NAV2: variants seen among roughly 807,000 people sequenced by gnomAD.
The protein encoded by NAV2 is helicase, APC down-regulated 1.
NAV2 carries 54 observed loss-of-function variants against 223.2 expected under a neutral mutation model. The ratio of observed to expected loss-of-function variants is 0.24; its 90% CI spans 0.19 to 0.30. The LOEUF (loss-of-function observed/expected upper bound fraction) is 0.30, where lower values mean the gene tolerates loss of function less well. NAV2 is among the 10% of genes least tolerant of loss of function. NAV2 has a pLI of 1.00. For missense variants in NAV2, 2,806 were observed against 3,147.5 expected (o/e 0.89, Z 2.60); for synonymous variants, 1,279 against 1,239.3 (o/e 1.03, Z -0.67).
intron 1 of NAV2, 105 bp from the exon 2 acceptor site, chr11:19,832,379 C>T: frequency 2.5e-6 from 2 of 795,740 alleles, no homozygotes; most frequent in Non-Finnish European, 4.3e-6. Flanking sequence ...GCCCTGAAAG[C>T]TCACCAATGG....
At position 20,057,798 on chromosome 11, in the gene NAV2, G is replaced by T. The variant is rs188686449; in HGVS notation, c.4831+1841G>T. On this transcript the variant is annotated intron_variant, in intron 19 of 37. Transcript: ENST00000349880. ...ACCATTACAGTATCGTCATCAGATA[G>T]CTTTTATTTATTCCATCTGGAATCA... Among the ~76,000 whole-genome samples the T allele has an allele frequency of 1.1e-4, 16 of 152,312 alleles. No homozygotes were observed. In the East Asian group the frequency reaches 2.9e-3, roughly 28 times the overall value.
At chr11:19,753,446 G>T (rs16937173) in intron 1 of NAV2, among the ~76,000 whole-genome samples, 4,888 of 152,168 alleles carry the variant, frequency 0.032, 243 homozygotes, top group African/African-American at 0.1. Flanking sequence ...CATATTTGTG[G>T]TAGTAAGTCA....
At chr11:20,022,917 G>A in intron 11 of NAV2, 1 of 1,362,362 alleles carries the variant, frequency 7.3e-7, no homozygotes, top group Non-Finnish European at 9.7e-7. Context: ...ATTTTGTTGG[G>A]GGATCGGATT....
intron 1 of NAV2, among the ~76,000 whole-genome samples, chr11:19,371,767 G>GTT (rs9299953): frequency 7.2e-5 from 7 of 96,964 alleles, no homozygotes; most frequent in African/African-American, 1.9e-4. Flanking sequence ...TCTGTATCAG[G>GTT]TTTTTTTTTT....
At chr11:19,655,703 G>A (rs941906121) in intron 1 of NAV2, among the ~76,000 whole-genome samples, 53 of 141,510 alleles carry the variant, frequency 3.7e-4, no homozygotes, top group African/African-American at 1.3e-3. Flanking sequence ...GAGAACACAT[G>A]GATACAGGAA....
chr11:19,495,118 G>A (rs2042752715), intron 1 of NAV2, among the ~76,000 whole-genome samples: 2 of 152,200 alleles, frequency 1.3e-5, no homozygotes, highest in Admixed American at 6.5e-5. Flanking sequence ...ACACTTATCA[G>A]CCCCTTAGGT....
intron 1 of NAV2, among the ~76,000 whole-genome samples, chr11:19,549,632 C>A (rs2044624646): frequency 6.6e-6 from 1 of 152,256 alleles, no homozygotes; most frequent in African/African-American, 2.4e-5. Flanking sequence ...AGGACCCCAG[C>A]TCAGAAGGCT....
At chr11:19,927,841 C>CT (rs1232211153) in intron 6 of NAV2, among the ~76,000 whole-genome samples, 2 of 152,130 alleles carry the variant, frequency 1.3e-5, no homozygotes, top group Non-Finnish European at 2.9e-5. Context: ...GGAGAAGTGG[C>CT]TGTTTATTGG....
At chr11:19,865,285 C>CT (rs1341985516) in intron 3 of NAV2, among the ~76,000 whole-genome samples, 1 of 152,182 alleles carries the variant, frequency 6.6e-6, no homozygotes, top group East Asian at 1.9e-4. Flanking sequence ...GGTGCTGCTG[C>CT]TGGGGCTGTT....
intron 1 of NAV2, among the ~76,000 whole-genome samples, chr11:19,561,685 T>C (rs2045103031): frequency 6.6e-6 from 1 of 152,236 alleles, no homozygotes; most frequent in Non-Finnish European, 1.5e-5. Context: ...CCTGTGGCTA[T>C]CTGAAGCCCT....
At chr11:20,081,068 A>T (rs1319619945) in intron 25 of NAV2, among the ~76,000 whole-genome samples, 1 of 152,094 alleles carries the variant, frequency 6.6e-6, no homozygotes, top group Non-Finnish European at 1.5e-5. Flanking sequence ...CAGTGTCCTC[A>T]TTCATTCTGT....
chr11:19,647,901 T>C (rs1489651736), intron 1 of NAV2, among the ~76,000 whole-genome samples: 1 of 152,214 alleles, frequency 6.6e-6, no homozygotes, highest in Non-Finnish European at 1.5e-5. Flanking sequence ...AACTTTTACA[T>C]TAATCCTCCC....
intron 1 of NAV2, among the ~76,000 whole-genome samples, chr11:19,392,507 T>C (rs1237313435): frequency 6.6e-6 from 1 of 152,162 alleles, no homozygotes; most frequent in East Asian, 1.9e-4. Flanking sequence ...GGGCTACATG[T>C]GGCCTGTCCG....
At chr11:20,094,869 C>G (rs1374055051) in intron 29 of NAV2, among the ~76,000 whole-genome samples, 2 of 152,196 alleles carry the variant, frequency 1.3e-5, no homozygotes, top group East Asian at 3.9e-4. Flanking sequence ...CAACCACGCT[C>G]CTGACTCTGA....
chr11:19,702,207 C>T (rs1458134047), intron 1 of NAV2, among the ~76,000 whole-genome samples: 1 of 152,102 alleles, frequency 6.6e-6, no homozygotes, highest in Non-Finnish European at 1.5e-5. Flanking sequence ...GATCCGCTTC[C>T]CTGGAAGGAA....
intron 6 of NAV2, among the ~76,000 whole-genome samples, chr11:19,932,318 C>T (rs2045448454): frequency 1.4e-5 from 2 of 141,430 alleles, no homozygotes; most frequent in Admixed American, 7.1e-5. Context: ...ATGTTTGCAA[C>T]GTGTTTTGGT....
At position 19,692,993 on chromosome 11, in the gene NAV2, A is replaced by G. The variant is rs796923212; in HGVS notation, c.76-139491A>G. Among the ~76,000 whole-genome samples, 16 of 152,378 alleles carry G rather than the reference A, an allele frequency of 1.1e-4. 1 individual carries two copies. The highest frequency in any genetic ancestry group is 3.6e-4 in the African/African-American group (15 of 41,594). The stretch of plus-strand genomic sequence containing the variant: ...TCAGGACAGGTTTTGCTGCCTGCCC[A>G]GGCTCTACAGGGAACCTGACCAAGA... On this transcript the variant is annotated intron_variant, in intron 1 of 37. Transcript: ENST00000360655.
chr11:19,420,194 C>A (rs990786700), intron 1 of NAV2, among the ~76,000 whole-genome samples: 3 of 152,136 alleles, frequency 2.0e-5, no homozygotes, highest in African/African-American at 7.2e-5. Context: ...TGACGTTAGC[C>A]TATGGGCTGT....
At chr11:19,701,679 G>A (rs1368662412) in intron 1 of NAV2, among the ~76,000 whole-genome samples, 2 of 152,238 alleles carry the variant, frequency 1.3e-5, no homozygotes, top group African/African-American at 4.8e-5. Flanking sequence ...CTTCAAGAAA[G>A]TTGCCAGGCA....
Sources: gnomAD v4.1 joint callset for allele counts (sites outside exome capture counted in the v4.1 genomes callset) on GRCh38, gnomAD v4.1.1 for gene constraint, MANE v1.5 for transcripts, NCBI Gene and HGNC (gene_info 2026-07-23, HGNC 2026-07-21) for gene names.